Variants in RASGRP2 observed in about 807,000 individuals in gnomAD.
RASGRP2 encodes RAS guanyl-releasing protein 2.
In RASGRP2, 44 loss-of-function variants were observed where a neutral mutation model predicts 71.0. The observed-to-expected ratio is 0.62, with a 90% CI of 0.49 to 0.80. The LOEUF (loss-of-function observed/expected upper bound fraction) is 0.80. Among genes scored for constraint, RASGRP2 ranks in the 30% least tolerant of loss-of-function variants. RASGRP2 has a pLI of 0.00. For missense variants in RASGRP2, 663 were observed against 813.4 expected (o/e 0.82, Z 2.25); for synonymous variants, 350 against 330.7 (o/e 1.06, Z -0.63).
chr11:64,742,771 G>A lies in RASGRP2; in HGVS notation c.73+23C>T. Reference sequence around the variant, plus strand: ...AGACTCGGGGCTAGGCTCAGGCTCCGTGTGCCCTCCCGAGCCACTCACCGA... The same window carrying A: ...AGACTCGGGGCTAGGCTCAGGCTCCATGTGCCCTCCCGAGCCACTCACCGA... On this transcript the variant is annotated intron_variant, in intron 2 of 16. Coordinates refer to ENST00000394432, the MANE Select transcript of RASGRP2 (RefSeq NM_001098671.2). The surrounding 1 kb of genome is among the most constrained non-coding windows in gnomAD (Gnocchi z 4.7). 1 of 1,592,028 alleles carries A rather than the reference G, an allele frequency of 6.3e-7. No homozygotes were observed.
chr11:64,743,571 G>T lies in RASGRP2; in HGVS notation c.-72+432C>A, dbSNP rs1359160309. 8.6e-6 allele frequency: 3 copies of T among 349,656 alleles called. No homozygotes were observed. Among genetic ancestry groups the T allele is most frequent in the South Asian group, 6.3e-5 (3 of 47,964 alleles). The allele number at this position is 349,656 out of a possible 1,614,324, so 21.7% of individuals were successfully genotyped here. On this transcript the variant is annotated intron_variant, in intron 1 of 16. Coordinates refer to ENST00000394432, the MANE Select transcript of RASGRP2 (RefSeq NM_001098671.2). The surrounding 1 kb of genome is among the most constrained non-coding windows in gnomAD (Gnocchi z 4.9). ...CGCTGCGGCCAGGAGGCGTCAGCGG[G>T]AAGCCTGAGCCTGGGAACTGAGCGC...
rs965963512 is a variant in RASGRP2 at position 64,728,724 on chromosome 11, C to T, written c.1771+139G>A. 60 of 1,002,470 alleles carry T rather than the reference C, an allele frequency of 6.0e-5. 1 individual carries two copies. The highest frequency in any genetic ancestry group is 5.5e-4 in the South Asian group (32 of 58,376). 62.1% of individuals were successfully genotyped at this position (1,002,470 alleles called of 1,614,324 possible). A position where few individuals can be genotyped will look rare whatever the true frequency, so the allele number is the denominator to read the frequency against. ...CTGGGATTACAGGCGTGAGCCACCG[C>T]GCCCGGCCTGTCCCTTCTTTATTAT... On this transcript the variant is annotated intron_variant, in intron 15 of 16. Coordinates refer to ENST00000394432, the MANE Select transcript of RASGRP2 (RefSeq NM_001098671.2).
chr11:64,740,965 T>G lies in RASGRP2; in HGVS notation c.354A>C (p.Leu118=). Residue 118 remains leucine (L), a synonymous_variant, in exon 5 of 17, where the codon CTA becomes CTC. Coordinates refer to ENST00000394432, the MANE Select transcript of RASGRP2 (RefSeq NM_001098671.2). ...DQEGNRRHSS[L]IDIDSVPTYK... is the part of the protein sequence containing the mutation. Reference sequence around the variant, plus strand: ...CCACGCACACGCTGTCTATGTCGATTAGGCTGCTGTGCCGTCGGTTCCCTT... The same window carrying G: ...CCACGCACACGCTGTCTATGTCGATGAGGCTGCTGTGCCGTCGGTTCCCTT... The G allele has an allele frequency of 6.2e-7, 1 of 1,613,890 alleles. No individual in the cohort carries two copies. The highest frequency in any genetic ancestry group is 8.5e-7 in the Non-Finnish European group (1 of 1,179,952).
At chr11:64,741,533 T>A (rs745868875) in intron 3 of RASGRP2, 32 bp from the exon 4 acceptor site, 2 of 1,526,238 alleles carry the variant, frequency 1.3e-6, no homozygotes, top group South Asian at 2.4e-5. Context: ...GCCGCTTAAC[T>A]CTAGAAAGGG....
At chr11:64,740,559 G>A (rs2058088953) in intron 5 of RASGRP2, 9 of 653,050 alleles carry the variant, frequency 1.4e-5, no homozygotes, top group South Asian at 1.1e-4. Context: ...AGGTGGGAAC[G>A]ACAAATTCTA....
chr11:64,730,103 G>C lies in RASGRP2; in HGVS notation c.1504C>G (p.Gln502Glu). 6.4e-7 allele frequency: 1 copy of C among 1,550,880 alleles called. No homozygotes were observed. The highest frequency in any genetic ancestry group is 8.7e-7 in the Non-Finnish European group (1 of 1,147,150). Residue 502 changes from glutamine (Q) to glutamate (E), a missense_variant, in exon 13 of 17, where the codon CAG becomes GAG. Gln to Glu is a conservative substitution (Grantham distance 29). Coordinates refer to ENST00000394432, the MANE Select transcript of RASGRP2 (RefSeq NM_001098671.2). The part of the protein sequence containing the change: ...GGRMGFVHNF[Q>E]ESNSLRPVAC... ...ACGGGGCGCAAGGAGTTGCTCTCCTGGAAGTTGTGTACGAAGCCCATGCGC... is the reference window on the plus strand; with the variant it reads ...ACGGGGCGCAAGGAGTTGCTCTCCTCGAAGTTGTGTACGAAGCCCATGCGC...
Position 64,742,118 on chromosome 11 carries a change from T to G in RASGRP2, c.74-6A>C, listed in dbSNP as rs775931083. ...CCGCACCTTCCCGGAGTCATCTGAC[T>G]CCGAAGGGTCAAAGACAGGTGGCTG... On this transcript the variant is annotated splice_polypyrimidine_tract_variant and splice_region_variant and intron_variant, in intron 2 of 16. Coordinates refer to ENST00000394432, the MANE Select transcript of RASGRP2 (RefSeq NM_001098671.2). The surrounding 1 kb of genome is among the most constrained non-coding windows in gnomAD (Gnocchi z 4.7). The G allele has an allele frequency of 1.9e-6, 3 of 1,577,822 alleles. No individual in the cohort carries two copies. Among genetic ancestry groups the G allele is most frequent in the Non-Finnish European group, 2.6e-6 (3 of 1,161,790 alleles).
chr11:64,730,076 C>T lies in RASGRP2; in HGVS notation c.1531G>A (p.Ala511Thr), dbSNP rs1196800507. ...FQESNSLRPV[A>T]CRHCKALILG... is the part of the protein sequence containing the mutation. ...ACCAGGGCTTTGCAGTGGCGGCAGG[C>T]GACGGGGCGCAAGGAGTTGCTCTCC... Residue 511 changes from alanine (A) to threonine (T), a missense_variant, in exon 13 of 17, where the codon GCC (alanine) becomes ACC (threonine). Physicochemically the swap from Ala to Thr is moderately conservative, Grantham distance 58 (BLOSUM62 0). Transcript: ENST00000394432. 1 of 1,550,020 alleles carries T rather than the reference C, an allele frequency of 6.5e-7. No individual in the cohort carries two copies. The highest frequency in any genetic ancestry group is 8.7e-7 in the Non-Finnish European group (1 of 1,147,418).
chr11:64,729,152 C>T (rs2057675585), intron 14 of RASGRP2, 110 bp from the exon 15 acceptor site: 1 of 1,116,042 alleles, frequency 9.0e-7, no homozygotes, highest in South Asian at 1.3e-5. Flanking sequence ...TGAGCAGCTG[C>T]CCCACCAAAA....
intron 12 of RASGRP2, among the ~76,000 whole-genome samples, chr11:64,733,238 T>C (rs991162664): frequency 2.0e-5 from 3 of 152,034 alleles, no homozygotes; most frequent in African/African-American, 7.3e-5. Flanking sequence ...ATAGATAATT[T>C]TGTAAGAAAG....
chr11:64,742,129 A>G lies in RASGRP2; in HGVS notation c.74-17T>C. 1 of 1,565,820 alleles carries G rather than the reference A, an allele frequency of 6.4e-7. No individual in the cohort carries two copies. Among genetic ancestry groups the G allele is most frequent in the Non-Finnish European group, 8.7e-7 (1 of 1,153,998 alleles). On this transcript the variant is annotated splice_polypyrimidine_tract_variant and intron_variant, in intron 2 of 16. Transcript: ENST00000394432. This position sits in a 1 kb window ranked among gnomAD's most constrained non-coding sequence, Gnocchi z 4.7. The stretch of plus-strand genomic sequence containing the variant: ...CGGAGTCATCTGACTCCGAAGGGTC[A>G]AAGACAGGTGGCTGAGCTGGGTCCG...
chr11:64,739,800 AG>A lies in RASGRP2; in HGVS notation c.531del (p.Tyr178IlefsTer5). ...CAGCCATGAGTCACGAAACTGTGAT[AG>A]TCCTGAAACTGGGGGCATGAGGAGT... ...YRSFCKILFQ[D>X]YHSFVTHGCT... On this transcript the variant is annotated frameshift_variant, in exon 7 of 17. Transcript: ENST00000394432. LOFTEE classifies it high-confidence loss of function. The surrounding 1 kb of genome is among the most constrained non-coding windows in gnomAD (Gnocchi z 4.2). 6.2e-7 allele frequency: 1 copy of A among 1,613,826 alleles called. No homozygotes were observed. Among genetic ancestry groups the A allele is most frequent in the Non-Finnish European group, 8.5e-7 (1 of 1,179,924 alleles).
At position 64,735,241 on chromosome 11, in the gene RASGRP2, A is replaced by T. The variant is rs770609765; in HGVS notation, c.1297-14T>A. On this transcript the variant is annotated splice_polypyrimidine_tract_variant and intron_variant, in intron 11 of 16. Transcript: ENST00000394432. This position sits in a 1 kb window ranked among gnomAD's most constrained non-coding sequence, Gnocchi z 4.2. Reference sequence around the variant, plus strand: ...CCGGAACACAGACTGGGGCACGCAGAGGGACACGCAGAGCCAGAAGAGGGG... The same window carrying T: ...CCGGAACACAGACTGGGGCACGCAGTGGGACACGCAGAGCCAGAAGAGGGG... 6.3e-7 allele frequency: 1 copy of T among 1,596,390 alleles called. No homozygotes were observed. Among genetic ancestry groups the T allele is most frequent in the Non-Finnish European group, 8.6e-7 (1 of 1,163,920 alleles).
rs2058117868 is a variant in RASGRP2, at chr11:64,741,435, T to C, written c.239+4A>G. The stretch of plus-strand genomic sequence containing the variant: ...GGGGCTAGAGCCCCAGGGGAAAGAC[T>C]CACCTGACCAGGTGGCACGTTTTCA... On this transcript the variant is annotated splice_donor_region_variant and intron_variant, in intron 4 of 16. Coordinates refer to ENST00000394432, the MANE Select transcript of RASGRP2 (RefSeq NM_001098671.2). The C allele has an allele frequency of 1.3e-6, 2 of 1,553,360 alleles. No individual in the cohort carries two copies. Among genetic ancestry groups the C allele is most frequent in the Non-Finnish European group, 1.7e-6 (2 of 1,143,024 alleles).
chr11:64,731,560 A>G (rs1693584363), intron 12 of RASGRP2, among the ~76,000 whole-genome samples: 1 of 152,174 alleles, frequency 6.6e-6, no homozygotes, highest in Non-Finnish European at 1.5e-5. Flanking sequence ...TTCAACAGCA[A>G]AGGGTTAATA....
chr11:64,739,789 GA>G lies in RASGRP2; in HGVS notation c.542del (p.Phe181SerfsTer2). Reference sequence around the variant, plus strand: ...TGTCCACAGTGCAGCCATGAGTCACGAAACTGTGATAGTCCTGAAACTGGGG... The same window carrying G: ...TGTCCACAGTGCAGCCATGAGTCACGAACTGTGATAGTCCTGAAACTGGGG... ...CKILFQDYHS[F>X]VTHGCTVDNP... On this transcript the variant is annotated frameshift_variant, in exon 7 of 17. Transcript: ENST00000394432. LOFTEE classifies it high-confidence loss of function. The surrounding 1 kb of genome is among the most constrained non-coding windows in gnomAD (Gnocchi z 4.2). 1 of 1,613,902 alleles carries G rather than the reference GA, an allele frequency of 6.2e-7. No homozygotes were observed. Among genetic ancestry groups the G allele is most frequent in the Non-Finnish European group, 8.5e-7 (1 of 1,179,942 alleles).
intron 13 of RASGRP2, 84 bp from the exon 14 acceptor site, chr11:64,729,882 CTT>C: frequency 6.3e-7 from 1 of 1,587,504 alleles, no homozygotes; most frequent in South Asian, 1.1e-5. Flanking sequence ...GAGACTAGGG[CTT>C]TAGAGCCCGC....
chr11:64,744,038 G>A lies in RASGRP2; in HGVS notation c.-107C>T, dbSNP rs2058230340. 2.0e-6 allele frequency: 2 copies of A among 988,108 alleles called. No homozygotes were observed. The highest frequency in any genetic ancestry group is 6.1e-5 in the Admixed American group (1 of 16,290). 61.2% of individuals were successfully genotyped at this position (988,108 alleles called of 1,614,324 possible). A position where few individuals can be genotyped will look rare whatever the true frequency, so the allele number is the denominator to read the frequency against. ...CACCCCAGAATGCAAACCCGCGGACGAGGTCGCCTCCTGGACGTGCTGTTC... is the reference window on the plus strand; with the variant it reads ...CACCCCAGAATGCAAACCCGCGGACAAGGTCGCCTCCTGGACGTGCTGTTC... On this transcript the variant is annotated 5_prime_UTR_variant, in exon 1 of 17. Transcript: ENST00000394432.
At position 64,743,389 on chromosome 11, in the gene RASGRP2, G is replaced by A. The variant is rs1368014177; in HGVS notation, c.-71-452C>T. On this transcript the variant is annotated intron_variant, in intron 1 of 16. Coordinates refer to ENST00000394432, the MANE Select transcript of RASGRP2 (RefSeq NM_001098671.2). The surrounding 1 kb of genome is among the most constrained non-coding windows in gnomAD (Gnocchi z 4.9). ...GGGACCTCGGAGGAATTTCTCCCTGGTATGGGAGGTGGGGGGAGAGAACCC... is the reference window on the plus strand; with the variant it reads ...GGGACCTCGGAGGAATTTCTCCCTGATATGGGAGGTGGGGGGAGAGAACCC... 2 of 380,458 alleles carry A rather than the reference G, an allele frequency of 5.3e-6. No homozygotes were observed. Among genetic ancestry groups the A allele is most frequent in the South Asian group, 3.8e-5 (2 of 52,522 alleles). The allele number at this position is 380,458 out of a possible 1,614,324, so 23.6% of individuals were successfully genotyped here. A position where few individuals can be genotyped will look rare whatever the true frequency, so the allele number is the denominator to read the frequency against.
Sources: allele counts gnomAD v4.1 joint callset (sites outside exome capture counted in the v4.1 genomes callset), GRCh38; gene constraint gnomAD v4.1.1; non-coding constraint Gnocchi (gnomAD v3.1); transcripts MANE v1.5; gene names NCBI Gene and HGNC (gene_info 2026-07-23, HGNC 2026-07-21).